CDH13: variants seen among roughly 807,000 people sequenced by gnomAD.
The protein encoded by CDH13 is cadherin 13.
A neutral mutation model predicts 63.8 loss-of-function variants in CDH13; 24 were observed. The ratio of observed to expected loss-of-function variants is 0.38; its 90% CI spans 0.27 to 0.53. The LOEUF (loss-of-function observed/expected upper bound fraction) is 0.53. Among genes scored for constraint, CDH13 ranks in the 20% least tolerant of loss-of-function variants. CDH13 has a pLI of 0.85. For synonymous variants in CDH13, 503 were observed against 355.3 expected (o/e 1.42, Z -4.67); for missense variants, 1,049 against 903.1 (o/e 1.16, Z -2.07).
intron 3 of CDH13, among the ~76,000 whole-genome samples, chr16:83,068,175 C>A (rs1352340012): frequency 1.3e-5 from 2 of 152,174 alleles, no homozygotes; most frequent in Non-Finnish European, 2.9e-5. Flanking sequence ...ATGCCAACTT[C>A]CAATGAAATT....
chr16:82,780,823 CAG>C (rs1183929984), intron 1 of CDH13, among the ~76,000 whole-genome samples: 1 of 152,178 alleles, frequency 6.6e-6, no homozygotes, highest in African/African-American at 2.4e-5. Context: ...ATGTATAACA[CAG>C]AAGTTGTAAT....
chr16:83,072,491 T>A (rs2032512575), intron 3 of CDH13, among the ~76,000 whole-genome samples: 1 of 152,192 alleles, frequency 6.6e-6, no homozygotes, highest in Admixed American at 6.6e-5. Flanking sequence ...GAAATGCCTG[T>A]CCTCTCTGCA....
At chr16:82,743,308 C>A (rs1027639720) in intron 1 of CDH13, among the ~76,000 whole-genome samples, 46 of 152,132 alleles carry the variant, frequency 3.0e-4, no homozygotes, top group Admixed American at 3.0e-3. Context: ...CTCACTGCAG[C>A]CTCAGACTTC....
intron 11 of CDH13, among the ~76,000 whole-genome samples, chr16:83,754,504 C>T (rs1308032265): frequency 6.6e-6 from 1 of 152,098 alleles, no homozygotes; most frequent in Non-Finnish European, 1.5e-5. Context: ...CTCTGTGTCC[C>T]CACCCAAATC....
chr16:83,634,467 C>G (rs1911078535), intron 8 of CDH13, among the ~76,000 whole-genome samples: 2 of 150,694 alleles, frequency 1.3e-5, no homozygotes, highest in Admixed American at 6.6e-5. Context: ...GTGGCACAAT[C>G]TCGGCTCATT....
chr16:83,476,622 C>T (rs991460420), intron 6 of CDH13, among the ~76,000 whole-genome samples: 9 of 152,006 alleles, frequency 5.9e-5, no homozygotes, highest in Non-Finnish European at 1.2e-4. Context: ...GCTGTGAGCC[C>T]AGATTACGCC....
At chr16:83,227,549 C>A (rs2039877669) in intron 5 of CDH13, among the ~76,000 whole-genome samples, 1 of 152,208 alleles carries the variant, frequency 6.6e-6, no homozygotes, top group Non-Finnish European at 1.5e-5. Flanking sequence ...CAGCCAACCT[C>A]CGTGTTACCC....
At chr16:82,705,703 TA>T (rs574810431) in intron 1 of CDH13, among the ~76,000 whole-genome samples, 5 of 152,002 alleles carry the variant, frequency 3.3e-5, no homozygotes, top group African/African-American at 7.3e-5. Flanking sequence ...TTTAGAGACT[TA>T]AAAAAAATCA....
intron 6 of CDH13, among the ~76,000 whole-genome samples, chr16:83,441,862 G>A (rs952582038): frequency 6.6e-6 from 1 of 152,158 alleles, no homozygotes; most frequent in Non-Finnish European, 1.5e-5. Context: ...ATTCATGAAT[G>A]TGTATACGAG....
intron 5 of CDH13, among the ~76,000 whole-genome samples, chr16:83,224,243 C>T (rs1361002541): frequency 2.6e-5 from 4 of 152,202 alleles, no homozygotes; most frequent in African/African-American, 9.7e-5. Flanking sequence ...TTTCTTTATT[C>T]ACTCATTGAT....
intron 5 of CDH13, among the ~76,000 whole-genome samples, chr16:83,316,893 C>T: frequency 6.6e-6 from 1 of 152,172 alleles, no homozygotes; most frequent in Non-Finnish European, 1.5e-5. Flanking sequence ...CTGGGCTGGG[C>T]TGGGCTCCAG....
chr16:82,885,086 T>C (rs1360593659), intron 2 of CDH13, among the ~76,000 whole-genome samples: 2 of 152,224 alleles, frequency 1.3e-5, no homozygotes, highest in Non-Finnish European at 2.9e-5. Flanking sequence ...GAGAAGGGGA[T>C]GTTGTTCAGC....
chr16:82,752,649 T>C (rs1383304985), intron 1 of CDH13, among the ~76,000 whole-genome samples: 1 of 152,200 alleles, frequency 6.6e-6, no homozygotes, highest in East Asian at 1.9e-4. Context: ...AGGGAATTCC[T>C]GGGAGGATGC....
chr16:82,684,583 C>G (rs1037352049), intron 1 of CDH13, among the ~76,000 whole-genome samples: 8 of 151,982 alleles, frequency 5.3e-5, no homozygotes, highest in African/African-American at 1.9e-4. Flanking sequence ...GGGGAGCTAC[C>G]TTAATGTATG....
intron 6 of CDH13, among the ~76,000 whole-genome samples, chr16:83,385,540 A>C (rs1717862522): frequency 6.6e-6 from 1 of 152,192 alleles, no homozygotes; most frequent in African/African-American, 2.4e-5. Context: ...TTTATAACAA[A>C]ATGTCTAATG....
chr16:82,792,884 C>G (rs1243779092), intron 1 of CDH13, among the ~76,000 whole-genome samples: 2 of 152,114 alleles, frequency 1.3e-5, no homozygotes, highest in Non-Finnish European at 2.9e-5. Flanking sequence ...AGAAAGTCCA[C>G]ATGAAATGCC....
chr16:83,242,439 T>C (rs1188214414), intron 5 of CDH13, among the ~76,000 whole-genome samples: 2 of 152,184 alleles, frequency 1.3e-5, no homozygotes, highest in East Asian at 3.9e-4. Flanking sequence ...TCAAAAGATT[T>C]TTTCCCCAAA....
intron 7 of CDH13, among the ~76,000 whole-genome samples, chr16:83,551,939 G>C (rs145128649): frequency 6.6e-6 from 1 of 152,334 alleles, no homozygotes; most frequent in East Asian, 1.9e-4. Flanking sequence ...TGGATGGGTA[G>C]ATAAGTGGAT....
Position 82,784,258 on chromosome 16 carries a change from C to G in CDH13, c.46-74104C>G, listed in dbSNP as rs796495315. On this transcript the variant is annotated intron_variant, in intron 1 of 13. Coordinates refer to ENST00000567109, the MANE Select transcript of CDH13 (RefSeq NM_001257.5). ...TTCAACATCTGGTCTTCAAAGTGAC[C>G]TTAGACGTTGACATCCCTGTCGGCC... 2.2e-4 allele frequency among the ~76,000 whole-genome samples: 34 copies of G among 152,302 alleles called. 1 individual carries two copies. The highest frequency in any genetic ancestry group is 8.2e-4 in the African/African-American group (34 of 41,562).
Sources: gnomAD v4.1 joint callset for allele counts (sites outside exome capture counted in the v4.1 genomes callset) on GRCh38, gnomAD v4.1.1 for gene constraint, MANE v1.5 for transcripts, NCBI Gene and HGNC (gene_info 2026-07-23, HGNC 2026-07-21) for gene names.